The following ADGRL3 variants were observed in gnomAD, a reference collection of about 807,000 sequenced individuals.
The protein encoded by ADGRL3 is adhesion G protein-coupled receptor L3, also known as calcium-independent alpha-latrotoxin receptor 3.
A neutral mutation model predicts 153.5 loss-of-function variants in ADGRL3; 62 were observed. The observed-to-expected ratio is 0.40, with a 90% CI of 0.33 to 0.50. ADGRL3 has a LOEUF of 0.50. Ranked by LOEUF, ADGRL3 falls within the 20% of genes least tolerant of loss-of-function variation. The pLI is 0.47. For missense variants in ADGRL3, 1,641 were observed against 1,859.4 expected (o/e 0.88, Z 2.16); for synonymous variants, 710 against 672.5 (o/e 1.06, Z -0.86).
chr4:62,021,290 A>T (rs554483374), intron 21 of ADGRL3, among the ~76,000 whole-genome samples: 105 of 152,254 alleles, frequency 6.9e-4, no homozygotes, highest in African/African-American at 2.4e-3. Flanking sequence ...CTGTGAAGGA[A>T]CTTCAGCATG....
At chr4:61,438,103 G>A (rs986820745) in intron 2 of ADGRL3, among the ~76,000 whole-genome samples, 2 of 152,094 alleles carry the variant, frequency 1.3e-5, no homozygotes, top group African/African-American at 4.8e-5. Context: ...TGGAATTTCT[G>A]ATACTCATCA....
At chr4:61,985,640 GA>G (rs2099082504) in intron 19 of ADGRL3, among the ~76,000 whole-genome samples, 1 of 152,140 alleles carries the variant, frequency 6.6e-6, no homozygotes, top group Non-Finnish European at 1.5e-5. Context: ...CATAAAAAGG[GA>G]ACGACAAGAA....
chr4:61,580,293 G>A lies in ADGRL3; in HGVS notation c.260-6934G>A, dbSNP rs566263589. Among the ~76,000 whole-genome samples the A allele has an allele frequency of 6.6e-5, 10 of 151,990 alleles. No homozygotes were observed. In the South Asian group the frequency reaches 2.1e-3, roughly 32 times the overall value. ...AAGAGCTCTTTTTTTCATATGATCAGTGAGATGCAGGGGCAAAAAATCGTT... is the reference window on the plus strand; with the variant it reads ...AAGAGCTCTTTTTTTCATATGATCAATGAGATGCAGGGGCAAAAAATCGTT... On this transcript the variant is annotated intron_variant, in intron 4 of 26. Coordinates refer to ENST00000683033, the MANE Select transcript of ADGRL3 (RefSeq NM_001387552.1).
chr4:61,220,793 T>G (rs1170780832), intron 1 of ADGRL3, among the ~76,000 whole-genome samples: 2 of 152,322 alleles, frequency 1.3e-5, no homozygotes, highest in African/African-American at 4.8e-5. Flanking sequence ...CTGAAAGGAA[T>G]GATTATCTAG....
At chr4:61,603,498 G>A (rs1408275034) in intron 5 of ADGRL3, among the ~76,000 whole-genome samples, 1 of 152,116 alleles carries the variant, frequency 6.6e-6, no homozygotes. Context: ...TAGGTTAAAA[G>A]GCCACAAAGT....
At chr4:61,759,176 C>A (rs887261230) in intron 8 of ADGRL3, among the ~76,000 whole-genome samples, 1 of 152,196 alleles carries the variant, frequency 6.6e-6, no homozygotes, top group Non-Finnish European at 1.5e-5. Flanking sequence ...CGAGGAGTAT[C>A]TTTTTGGTGT....
chr4:62,020,976 C>G (rs1009588953), intron 21 of ADGRL3, among the ~76,000 whole-genome samples: 2 of 152,016 alleles, frequency 1.3e-5, no homozygotes, highest in African/African-American at 4.8e-5. Context: ...GAAAATGCTA[C>G]TTTATATAAA....
intron 5 of ADGRL3, among the ~76,000 whole-genome samples, chr4:61,652,478 T>C (rs2094295297): frequency 6.6e-6 from 1 of 152,206 alleles, no homozygotes; most frequent in Admixed American, 6.5e-5. Context: ...TTTATTGCTT[T>C]CTTGCTACAG....
In ADGRL3 at chr4:61,441,094, A is replaced by G. The variant is rs140672129; in HGVS notation, c.-173-56027A>G. Reference sequence around the variant, plus strand: ...AAACTGACCCATTCTCATGGCATCAATTTTAATCTCCTCTTAGATAATTCC... The same window carrying G: ...AAACTGACCCATTCTCATGGCATCAGTTTTAATCTCCTCTTAGATAATTCC... On this transcript the variant is annotated intron_variant, in intron 2 of 26. Coordinates refer to ENST00000683033, the MANE Select transcript of ADGRL3 (RefSeq NM_001387552.1). Among the ~76,000 whole-genome samples, 571 of 152,242 alleles carry G rather than the reference A, an allele frequency of 3.8e-3. 4 individuals carry two copies. Among genetic ancestry groups the G allele is most frequent in the African/African-American group, 0.013 (532 of 41,542 alleles).
chr4:61,388,078 C>A (rs2096760158), intron 2 of ADGRL3, among the ~76,000 whole-genome samples: 1 of 152,102 alleles, frequency 6.6e-6, no homozygotes, highest in Non-Finnish European at 1.5e-5. Flanking sequence ...CATCATCATC[C>A]ACCCCTCTCC....
At chr4:61,915,515 T>C (rs2149892622) in intron 13 of ADGRL3, among the ~76,000 whole-genome samples, 2 of 152,168 alleles carry the variant, frequency 1.3e-5, no homozygotes, top group South Asian at 4.1e-4. Context: ...ATGAAACACA[T>C]GGTCATTCAA....
intron 1 of ADGRL3, among the ~76,000 whole-genome samples, chr4:61,279,967 A>G (rs1385461640): frequency 1.3e-5 from 2 of 152,146 alleles, no homozygotes; most frequent in East Asian, 1.9e-4. Context: ...TATCAAATGT[A>G]CAAATACATA....
chr4:61,661,588 T>C (rs1299214152), intron 5 of ADGRL3, among the ~76,000 whole-genome samples: 1 of 152,094 alleles, frequency 6.6e-6, no homozygotes, highest in Non-Finnish European at 1.5e-5. Flanking sequence ...AAACTTTGTC[T>C]CTTTAAAGGA....
At chr4:61,513,063 T>C (rs2098472142) in intron 3 of ADGRL3, among the ~76,000 whole-genome samples, 2 of 152,156 alleles carry the variant, frequency 1.3e-5, no homozygotes, top group African/African-American at 4.8e-5. Flanking sequence ...CTGATAAATA[T>C]GCCCAGGTTG....
chr4:62,046,666 T>C (rs1731286734), intron 25 of ADGRL3, among the ~76,000 whole-genome samples: 1 of 151,980 alleles, frequency 6.6e-6, no homozygotes, highest in South Asian at 2.1e-4. Flanking sequence ...TTAAATTGCA[T>C]TTATAATTTA....
chr4:61,928,973 T>C (rs2098806162), intron 13 of ADGRL3, among the ~76,000 whole-genome samples: 2 of 152,220 alleles, frequency 1.3e-5, no homozygotes, highest in South Asian at 2.1e-4. Context: ...GAATATGATG[T>C]CTTCTCTAAG....
chr4:61,554,134 C>T (rs1214274399), intron 4 of ADGRL3, among the ~76,000 whole-genome samples: 1 of 148,230 alleles, frequency 6.7e-6, no homozygotes. Flanking sequence ...ATATTGGATC[C>T]TATTTGCTTA....
At chr4:61,699,509 C>G (rs535197424) in intron 6 of ADGRL3, among the ~76,000 whole-genome samples, 68 of 151,948 alleles carry the variant, frequency 4.5e-4, no homozygotes, top group African/African-American at 1.5e-3. Flanking sequence ...CCTTGTGGGA[C>G]AGGTAAAGGA....
intron 4 of ADGRL3, among the ~76,000 whole-genome samples, chr4:61,523,175 G>A (rs1262014678): frequency 6.6e-6 from 1 of 151,948 alleles, no homozygotes; most frequent in East Asian, 1.9e-4. Context: ...CTAAACTTTT[G>A]GAAAACATGG....
Sources: allele counts gnomAD v4.1 joint callset (sites outside exome capture counted in the v4.1 genomes callset), GRCh38; gene constraint gnomAD v4.1.1; transcripts MANE v1.5; gene names NCBI Gene and HGNC (gene_info 2026-07-23, HGNC 2026-07-21).